PCDHGB2: variants seen among roughly 807,000 people sequenced by gnomAD.
PCDHGB2 encodes the protein protocadherin gamma subfamily B, 2.
A neutral mutation model predicts 59.3 loss-of-function variants in PCDHGB2; 55 were observed. The observed-to-expected ratio is 0.93, with a 90% CI of 0.75 to 1.16. The LOEUF (loss-of-function observed/expected upper bound fraction) is 1.16. Among genes scored for constraint, PCDHGB2 ranks in the 50% most tolerant of loss-of-function variants. The pLI, the probability that PCDHGB2 is intolerant of heterozygous loss-of-function variation, is 0.00. For missense variants in PCDHGB2, 1,228 were observed against 1,198.5 expected (o/e 1.02, Z -0.36); for synonymous variants, 516 against 512.0 (o/e 1.01, Z -0.11).
intron 1 of PCDHGB2, chr5:141,403,402 A>T: frequency 6.2e-7 from 1 of 1,614,076 alleles, no homozygotes; most frequent in Non-Finnish European, 8.5e-7. Flanking sequence ...TTCCTGGAGC[A>T]CGTTATCCAC....
At chr5:141,441,872 G>A (rs1400648028) in intron 1 of PCDHGB2, 4 of 341,526 alleles carry the variant, frequency 1.2e-5, no homozygotes, top group East Asian at 9.4e-5. Context: ...GCGGAGCCTG[G>A]CTACCTGGTC....
Position 141,490,810 on chromosome 5 carries a change from T to C in PCDHGB2, c.2422-3997T>C, listed in dbSNP as rs2099704652. On this transcript the variant is annotated intron_variant, in intron 1 of 3. Transcript: ENST00000522605. This position sits in a 1 kb window ranked among gnomAD's most constrained non-coding sequence, Gnocchi z 5.4. ...GATCTTTGCCCAGCGTACCTTTGAC[T>C]ATGAATTGCTGCAGATGCTGCAGAT... 1 of 1,613,936 alleles carries C rather than the reference T, an allele frequency of 6.2e-7. No individual in the cohort carries two copies. Among genetic ancestry groups the C allele is most frequent in the Non-Finnish European group, 8.5e-7 (1 of 1,179,884 alleles).
chr5:141,395,096 C>T (rs769366827), intron 1 of PCDHGB2: 4 of 1,614,068 alleles, frequency 2.5e-6, no homozygotes, highest in African/African-American at 2.7e-5. Flanking sequence ...CCCTCACCGC[C>T]GACTCGCGGA....
chr5:141,473,377 C>T (rs2099320819), intron 1 of PCDHGB2, among the ~76,000 whole-genome samples: 1 of 152,202 alleles, frequency 6.6e-6, no homozygotes, highest in Admixed American at 6.5e-5. Flanking sequence ...TAGCATGGTC[C>T]CTGCCCTCCT....
chr5:141,372,588 T>G lies in PCDHGB2; in HGVS notation c.2421+10032T>G, dbSNP rs781493035. 9.3e-6 allele frequency: 15 copies of G among 1,613,932 alleles called. No individual in the cohort carries two copies. The South Asian group carries it at 1.2e-4, about 13-fold the overall frequency. ...TGAGGGCTACTTTCAGCCTGGTGTC[T>G]GCTTCAAGACTGTACCTGGAGTTCT... On this transcript the variant is annotated intron_variant, in intron 1 of 3. Transcript: ENST00000522605.
chr5:141,485,359 C>T lies in PCDHGB2; in HGVS notation c.2422-9448C>T. ...TGGATACGGACAGTCTGTCAGCTCG[C>T]AGGCTGCAGGTCGCTGGAGAGGTGA... is the stretch of plus-strand genomic sequence containing the variant. On this transcript the variant is annotated intron_variant, in intron 1 of 3. Transcript: ENST00000522605. The surrounding 1 kb of genome is among the most constrained non-coding windows in gnomAD (Gnocchi z 5.7). 6.2e-7 allele frequency: 1 copy of T among 1,614,144 alleles called. No homozygotes were observed. The highest frequency in any genetic ancestry group is 8.5e-7 in the Non-Finnish European group (1 of 1,180,010).
intron 1 of PCDHGB2, among the ~76,000 whole-genome samples, chr5:141,436,243 TA>T (rs1428637183): frequency 6.6e-6 from 1 of 152,154 alleles, no homozygotes; most frequent in Non-Finnish European, 1.5e-5. Context: ...TAACATGGTC[TA>T]ATTATTCTGA....
rs774471563 is a variant in PCDHGB2, at chr5:141,365,988, T to A, written c.2421+3432T>A. The A allele has an allele frequency of 5.6e-6, 9 of 1,614,268 alleles. No individual in the cohort carries two copies. The South Asian group carries it at 9.9e-5, about 18-fold the overall frequency. The stretch of plus-strand genomic sequence containing the variant: ...AACGTGTCGCTGAGCCTGTTTGTGC[T>A]GGACCAGAACGACAATACGCCTGAG... On this transcript the variant is annotated intron_variant, in intron 1 of 3. Coordinates refer to ENST00000522605, the MANE Select transcript of PCDHGB2 (RefSeq NM_018923.3).
At chr5:141,470,574 CA>C (rs1369567985) in intron 1 of PCDHGB2, among the ~76,000 whole-genome samples, 1 of 152,188 alleles carries the variant, frequency 6.6e-6, no homozygotes, top group Non-Finnish European at 1.5e-5. Flanking sequence ...CAAGCAGGAT[CA>C]ACTTCATAGG....
rs926566427 is a variant in PCDHGB2, at chr5:141,505,127, A to T, written c.2481-266A>T. Among the ~76,000 whole-genome samples, 9 of 152,158 alleles carry T rather than the reference A, an allele frequency of 5.9e-5. No homozygotes were observed. The East Asian group carries it at 1.5e-3, about 26-fold the overall frequency. The stretch of plus-strand genomic sequence containing the variant: ...CAATGAGCCAAGATCGCGCCACTGC[A>T]CTCCAGCCTGGATGACAGAGTAAGA... On this transcript the variant is annotated intron_variant, in intron 2 of 3. Transcript: ENST00000522605.
chr5:141,371,301 A>G (rs199851082), intron 1 of PCDHGB2: 272 of 1,613,872 alleles, frequency 1.7e-4, no homozygotes, highest in Non-Finnish European at 2.2e-4. Flanking sequence ...GGAACTCACC[A>G]CTATTGGAGA....
In PCDHGB2 at chr5:141,491,764, C is replaced by T; in HGVS notation, c.2422-3043C>T. The stretch of plus-strand genomic sequence containing the variant: ...CGGCACTGGAGAAGCCGCCCGTCCT[C>T]ATAAGGGATTGAACTTGCATCCACT... On this transcript the variant is annotated intron_variant, in intron 1 of 3. Transcript: ENST00000522605. The surrounding 1 kb of genome is among the most constrained non-coding windows in gnomAD (Gnocchi z 6.9). The T allele has an allele frequency of 6.4e-7, 1 of 1,570,206 alleles. No homozygotes were observed. Among genetic ancestry groups the T allele is most frequent in the Non-Finnish European group, 8.6e-7 (1 of 1,159,296 alleles).
intron 1 of PCDHGB2, chr5:141,375,075 C>T (rs772132262): frequency 6.2e-6 from 10 of 1,613,926 alleles, no homozygotes; most frequent in East Asian, 4.5e-5. Flanking sequence ...CGAGACAGAG[C>T]GAAAGTCTTA....
Position 141,360,822 on chromosome 5 carries a change from A to C in PCDHGB2, c.687A>C (p.Arg229=). 2 of 1,613,994 alleles carry C rather than the reference A, an allele frequency of 1.2e-6. No homozygotes were observed. Among genetic ancestry groups the C allele is most frequent in the Non-Finnish European group, 1.7e-6 (2 of 1,179,894 alleles). The change falls in exon 1 of 4, where the codon CGA becomes CGC. Residue 229 remains arginine, a synonymous_variant. Transcript: ENST00000522605. The part of the protein sequence containing the change: ...DPPQSGTTQI[R]IKVTDANDNP... ...CTCAAAGTGGCACGACCCAAATCCGAATCAAAGTCACGGATGCCAACGATA... is the reference window on the plus strand; with the variant it reads ...CTCAAAGTGGCACGACCCAAATCCGCATCAAAGTCACGGATGCCAACGATA...
intron 1 of PCDHGB2, chr5:141,393,422 G>A: frequency 6.2e-7 from 1 of 1,614,042 alleles, no homozygotes; most frequent in Non-Finnish European, 8.5e-7. Context: ...TGGACAGGGA[G>A]GAAGAGGCTG....
At chr5:141,404,565 G>C in intron 1 of PCDHGB2, 2 of 1,613,910 alleles carry the variant, frequency 1.2e-6, no homozygotes. Flanking sequence ...AGTGACAGTG[G>C]AAGCCCACCA....
chr5:141,455,876 TTTA>T (rs1271603055), intron 1 of PCDHGB2, among the ~76,000 whole-genome samples: 2 of 146,624 alleles, frequency 1.4e-5, no homozygotes, highest in Non-Finnish European at 1.5e-5. Context: ...TATTTATTTA[TTTA>T]TTTATTTATT....
Position 141,476,873 on chromosome 5 carries a change from G to A in PCDHGB2, c.2422-17934G>A. 1.9e-6 allele frequency: 3 copies of A among 1,613,936 alleles called. No homozygotes were observed. Among genetic ancestry groups the A allele is most frequent in the Non-Finnish European group, 2.5e-6 (3 of 1,180,038 alleles). Reference sequence around the variant, plus strand: ...CAACCAGTCCTTGTACCGGGCGCGCGTCCTGGAGGATGCACCCTCCGGCAC... The same window carrying A: ...CAACCAGTCCTTGTACCGGGCGCGCATCCTGGAGGATGCACCCTCCGGCAC... On this transcript the variant is annotated intron_variant, in intron 1 of 3. Transcript: ENST00000522605. The surrounding 1 kb of genome is among the most constrained non-coding windows in gnomAD (Gnocchi z 7.6).
In PCDHGB2 at chr5:141,394,617, G is replaced by A. The variant is rs369651266; in HGVS notation, c.2421+32061G>A. The A allele has an allele frequency of 1.7e-5, 28 of 1,613,372 alleles. No individual in the cohort carries two copies. The Admixed American group carries it at 2.8e-4, about 16-fold the overall frequency. On this transcript the variant is annotated intron_variant, in intron 1 of 3. Coordinates refer to ENST00000522605, the MANE Select transcript of PCDHGB2 (RefSeq NM_018923.3). ...GGTGGACAGAGACTCGGGCCAGAAC[G>A]CCTGGCTGTCCTACCGCCTGCTCAA... is the stretch of plus-strand genomic sequence containing the variant.
Sources: allele counts gnomAD v4.1 joint callset (sites outside exome capture counted in the v4.1 genomes callset), GRCh38; gene constraint gnomAD v4.1.1; non-coding constraint Gnocchi (gnomAD v3.1); transcripts MANE v1.5; gene names NCBI Gene and HGNC (gene_info 2026-07-23, HGNC 2026-07-21).